Variants in ADCY3 observed in about 807,000 individuals in gnomAD.
The protein encoded by ADCY3 is adenylate cyclase 3.
A neutral mutation model predicts 119.4 loss-of-function variants in ADCY3; 70 were observed. The observed-to-expected ratio is 0.59, with a 90% CI of 0.48 to 0.72. The LOEUF (loss-of-function observed/expected upper bound fraction) is 0.72. Among genes scored for constraint, ADCY3 ranks in the 30% least tolerant of loss-of-function variants. The pLI, the probability that ADCY3 is intolerant of heterozygous loss-of-function variation, is 0.00. For synonymous variants in ADCY3, 672 were observed against 621.4 expected (o/e 1.08, Z -1.21); for missense variants, 1,238 against 1,541.6 (o/e 0.80, Z 3.30).
chr2:24,822,360 C>G (rs1433194111), intron 19 of ADCY3, 151 bp downstream of exon 19: 8 of 1,136,740 alleles, frequency 7.0e-6, no homozygotes, highest in Middle Eastern at 3.1e-4. Flanking sequence ...CTCAATAAAC[C>G]CTATTTCTTA....
intron 3 of ADCY3, among the ~76,000 whole-genome samples, chr2:24,848,160 C>A (rs150350329): frequency 1.3e-5 from 2 of 152,214 alleles, no homozygotes; most frequent in African/African-American, 4.8e-5. Flanking sequence ...ATGGCCATAA[C>A]GCCCATGCTG....
chr2:24,909,798 A>T (rs988183369), intron 2 of ADCY3, among the ~76,000 whole-genome samples: 1 of 152,170 alleles, frequency 6.6e-6, no homozygotes, highest in Admixed American at 6.5e-5. Flanking sequence ...ACAGCCTCAG[A>T]AGACAGCTGC....
At position 24,831,710 on chromosome 2, in the gene ADCY3, A is replaced by C; in HGVS notation, c.2007T>G (p.Ile669Met). The C allele has an allele frequency of 6.2e-7, 1 of 1,614,022 alleles. No homozygotes were observed. Among genetic ancestry groups the C allele is most frequent in the Non-Finnish European group, 8.5e-7 (1 of 1,180,016 alleles). Reference sequence around the variant, plus strand: ...AGCAGATGGTCAGGATGAGGAGCAGAATCTCCCCCACCATGAAGGTCACAT... The same window carrying C: ...AGCAGATGGTCAGGATGAGGAGCAGCATCTCCCCCACCATGAAGGTCACAT... ...TNYVTFMVGE[I>M]LLLILTICSL... Residue 669 changes from isoleucine to methionine, a missense_variant, in exon 12 of 22, where the codon ATT becomes ATG. Ile to Met is a conservative substitution (Grantham distance 10). Transcript: ENST00000679454.
chr2:24,895,823 ACCATATTGCC>A (rs1678202755), intron 2 of ADCY3, among the ~76,000 whole-genome samples: 1 of 152,098 alleles, frequency 6.6e-6, no homozygotes, highest in Non-Finnish European at 1.5e-5. Flanking sequence ...ACAGGGTTTC[ACCATATTGCC>A]CAGGGTGGAA....
chr2:24,820,325 C>G (rs2148324061), intron 21 of ADCY3: 2 of 1,323,528 alleles, frequency 1.5e-6, no homozygotes, highest in South Asian at 4.4e-5. Context: ...GGGGCCTCCT[C>G]TCATCCAGAG....
intron 3 of ADCY3, among the ~76,000 whole-genome samples, chr2:24,862,732 G>A (rs1248845417): frequency 6.6e-6 from 1 of 151,970 alleles, no homozygotes; most frequent in African/African-American, 2.4e-5. Context: ...AAAAAATGAA[G>A]CAAACCTGAG....
In ADCY3 at chr2:24,918,955, T is replaced by C. The variant is rs564729994; in HGVS notation, c.33A>G (p.Glu11=). The C allele has an allele frequency of 2.5e-6, 4 of 1,602,928 alleles. No homozygotes were observed. In the South Asian group the frequency reaches 4.4e-5, roughly 18 times the overall value. Residue 11 remains glutamate (E), a synonymous_variant, in exon 2 of 22, where the codon GAA becomes GAG. Coordinates refer to ENST00000679454, the MANE Select transcript of ADCY3 (RefSeq NM_004036.5). This position sits in a 1 kb window ranked among gnomAD's most constrained non-coding sequence, Gnocchi z 5.4. The stretch of plus-strand genomic sequence containing the variant: ...ACTCGGCTGAGTACTCGGCCGAGTA[T>C]TCGGGCTCGGAGAAGCCCTGGTTCC... MPRNQGFSEP[E]YSAEYSAEYS...
intron 19 of ADCY3, 38 bp from the exon 20 acceptor site, chr2:24,821,678 C>G (rs2148347445): frequency 6.2e-7 from 1 of 1,609,186 alleles, no homozygotes. Flanking sequence ...TCAGGGGCCG[C>G]TCACTGCAGC....
intron 21 of ADCY3, 54 bp from the exon 22 acceptor site, chr2:24,820,168 G>T: frequency 1.5e-6 from 2 of 1,328,632 alleles, no homozygotes; most frequent in Admixed American, 2.4e-5. Context: ...CCTAGACTGA[G>T]GGCGGGTGGG....
At chr2:24,906,533 C>T (rs1679461214) in intron 2 of ADCY3, among the ~76,000 whole-genome samples, 1 of 152,200 alleles carries the variant, frequency 6.6e-6, no homozygotes, top group Admixed American at 6.5e-5. Flanking sequence ...TGTGCCACTC[C>T]TTGGGCTGGC....
chr2:24,820,160 TAGA>T, intron 21 of ADCY3, 46 bp from the exon 22 acceptor site: 1 of 1,361,610 alleles, frequency 7.3e-7, no homozygotes, highest in Non-Finnish European at 9.8e-7. Flanking sequence ...GGGGGGAGCC[TAGA>T]CTGAGGGCGG....
At chr2:24,893,322 G>A (rs1018810742) in intron 2 of ADCY3, among the ~76,000 whole-genome samples, 3 of 152,132 alleles carry the variant, frequency 2.0e-5, no homozygotes, top group African/African-American at 7.2e-5. Context: ...AGTGAGCCGA[G>A]ATCACGCTGC....
chr2:24,830,044 CTTTT>C (rs66894795), intron 13 of ADCY3, among the ~76,000 whole-genome samples: 1 of 132,728 alleles, frequency 7.5e-6, no homozygotes, highest in Non-Finnish European at 1.6e-5. Flanking sequence ...AGTGAATTAC[CTTTT>C]TTTTTTTTTT....
intron 3 of ADCY3, among the ~76,000 whole-genome samples, chr2:24,848,011 T>C (rs894718210): frequency 1.3e-5 from 2 of 152,228 alleles, no homozygotes; most frequent in African/African-American, 4.8e-5. Flanking sequence ...TCATGAGTGC[T>C]GGCCTGGCTC....
rs748990847 is a variant in ADCY3, at chr2:24,827,587, C to T, written c.2454G>A (p.Glu818=). 9 of 1,588,742 alleles carry T rather than the reference C, an allele frequency of 5.7e-6. No homozygotes were observed. Among genetic ancestry groups the T allele is most frequent in the Non-Finnish European group, 7.7e-6 (9 of 1,164,570 alleles). ...REHDLPMVAL[E]QMQGFNPGLN... ...GCCCAGGGTTGAATCCTTGCATCTG[C>T]TCTAAGGCCACCATAGGTAAGCTGT... The change falls in exon 15 of 22, where the codon GAG becomes GAA. Residue 818 remains glutamate (E), a synonymous_variant. Coordinates refer to ENST00000679454, the MANE Select transcript of ADCY3 (RefSeq NM_004036.5).
chr2:24,876,096 G>A (rs1187419000), intron 2 of ADCY3, among the ~76,000 whole-genome samples: 2 of 152,144 alleles, frequency 1.3e-5, no homozygotes, highest in Admixed American at 1.3e-4. Flanking sequence ...GAGCTCAAGC[G>A]AACCTCCCAC....
intron 2 of ADCY3, among the ~76,000 whole-genome samples, chr2:24,891,080 G>A (rs1677599639): frequency 6.6e-6 from 1 of 152,058 alleles, no homozygotes; most frequent in Non-Finnish European, 1.5e-5. Context: ...ATGTTGGCCA[G>A]GCTGGTCTCG....
At chr2:24,861,194 T>C (rs926161622) in intron 3 of ADCY3, among the ~76,000 whole-genome samples, 2 of 146,164 alleles carry the variant, frequency 1.4e-5, no homozygotes, top group African/African-American at 5.1e-5. Context: ...GAGGTTGTAG[T>C]GAGCCAAGAT....
intron 3 of ADCY3, among the ~76,000 whole-genome samples, chr2:24,866,564 CAAAAAAAAAAA>C (rs71397449): frequency 2.7e-3 from 126 of 46,550 alleles, no homozygotes; most frequent in African/African-American, 0.011. Flanking sequence ...GACCCTGTCT[CAAAAAAAAAAA>C]AAAAAAAAAA....
Sources: allele counts gnomAD v4.1 joint callset (sites outside exome capture counted in the v4.1 genomes callset), GRCh38; gene constraint gnomAD v4.1.1; non-coding constraint Gnocchi (gnomAD v3.1); transcripts MANE v1.5; gene names NCBI Gene and HGNC (gene_info 2026-07-23, HGNC 2026-07-21).